Variants in COL21A1 observed in about 807,000 individuals in gnomAD.
COL21A1 encodes collagen type XXI alpha 1 chain, also known as collagen alpha-1(XXI) chain.
A neutral mutation model predicts 137.9 loss-of-function variants in COL21A1; 149 were observed. The ratio of observed to expected loss-of-function variants is 1.08; its 90% CI spans 0.95 to 1.24. The LOEUF (loss-of-function observed/expected upper bound fraction) is 1.24, where lower values mean the gene tolerates loss of function less well. Ranked by LOEUF, COL21A1 falls within the 50% of genes most tolerant of loss-of-function variation. The pLI is 0.00. For synonymous variants in COL21A1, 456 were observed against 391.5 expected, an observed-to-expected ratio of 1.16 and a Z score of -1.95; for missense variants, 1,167 against 1,158.4, an observed-to-expected ratio of 1.01 and a Z score of -0.11.
At chr6:56,307,995 G>A (rs932977787) in intron 1 of COL21A1, among the ~76,000 whole-genome samples, 16 of 152,180 alleles carry the variant, frequency 1.1e-4, no homozygotes, top group African/African-American at 3.6e-4. Flanking sequence ...ATGAGATGCT[G>A]TTAATCCTTT....
chr6:56,168,091 T>C (rs759899270), intron 6 of COL21A1, 33 bp downstream of exon 6: 3 of 1,372,254 alleles, frequency 2.2e-6, no homozygotes, highest in African/African-American at 2.9e-5. Flanking sequence ...TTTCATTCTA[T>C]ATAATTCAAA....
At chr6:56,382,531 T>C (rs1269125351) in intron 1 of COL21A1, among the ~76,000 whole-genome samples, 1 of 152,094 alleles carries the variant, frequency 6.6e-6, no homozygotes, top group Non-Finnish European at 1.5e-5. Flanking sequence ...AGGGACTGTG[T>C]TTGGAGATAG....
At chr6:56,070,830 TA>T (rs776093487) in intron 20 of COL21A1, 32 bp from the exon 21 acceptor site, 11 of 1,525,024 alleles carry the variant, frequency 7.2e-6, no homozygotes, top group Non-Finnish European at 8.9e-6. Context: ...TGGAGTTTTT[TA>T]AAAACAATTC....
chr6:56,099,126 C>T (rs1442893906), intron 17 of COL21A1, among the ~76,000 whole-genome samples: 1 of 151,744 alleles, frequency 6.6e-6, no homozygotes, highest in South Asian at 2.1e-4. Context: ...ACAGACTTGC[C>T]GGTCAGTCTG....
chr6:56,225,670 C>A (rs2152314921), intron 1 of COL21A1, among the ~76,000 whole-genome samples: 1 of 152,012 alleles, frequency 6.6e-6, no homozygotes, highest in South Asian at 2.1e-4. Context: ...CAAAAGGATT[C>A]CAAATTTTAA....
At chr6:56,125,466 G>C (rs1772973888) in intron 14 of COL21A1, 101 bp downstream of exon 14, 1 of 773,056 alleles carries the variant, frequency 1.3e-6, no homozygotes, top group Non-Finnish European at 2.1e-6. Context: ...GGTGAACAGA[G>C]CTAACTGTTC....
chr6:56,366,109 T>C (rs1766093094), intron 1 of COL21A1, among the ~76,000 whole-genome samples: 2 of 152,190 alleles, frequency 1.3e-5, no homozygotes, highest in Non-Finnish European at 2.9e-5. Flanking sequence ...TTATGGAGTT[T>C]ACTGGATTCC....
At chr6:56,339,036 C>G (rs1295739886) in intron 1 of COL21A1, among the ~76,000 whole-genome samples, 1 of 152,148 alleles carries the variant, frequency 6.6e-6, no homozygotes, top group East Asian at 1.9e-4. Context: ...TACTCTGTAG[C>G]ATGTATGAAG....
At chr6:56,217,757 A>G (rs1780579444) in intron 1 of COL21A1, among the ~76,000 whole-genome samples, 1 of 152,102 alleles carries the variant, frequency 6.6e-6, no homozygotes. Context: ...TGGCTTAAAC[A>G]TGAAGAAGGC....
chr6:56,058,705 C>G (rs1562129143), intron 29 of COL21A1, among the ~76,000 whole-genome samples: 1 of 152,132 alleles, frequency 6.6e-6, no homozygotes, highest in Non-Finnish European at 1.5e-5. Flanking sequence ...TCTGAAAGCA[C>G]TACATATAGA....
intron 1 of COL21A1, among the ~76,000 whole-genome samples, chr6:56,384,659 C>T (rs1018414): frequency 6.6e-6 from 1 of 151,942 alleles, no homozygotes; most frequent in African/African-American, 2.4e-5. Context: ...CTGTGTAGAA[C>T]TATCTGATAA....
intron 1 of COL21A1, among the ~76,000 whole-genome samples, chr6:56,360,926 T>G (rs9357913): frequency 0.26 from 39,843 of 151,960 alleles, 6,474 homozygotes; most frequent in East Asian, 0.72. Flanking sequence ...ATGGGGAAAC[T>G]CCGTCTCTAC....
In COL21A1 at chr6:56,179,845, C is replaced by G; in HGVS notation, c.373G>C (p.Asp125His). 6.2e-7 allele frequency: 1 copy of G among 1,613,916 alleles called. No homozygotes were observed. Among genetic ancestry groups the G allele is most frequent in the African/African-American group, 1.3e-5 (1 of 75,030 alleles). The change falls in exon 3 of 30, where the codon GAT becomes CAT. Residue 125 changes from aspartate to histidine, a missense_variant. Transcript: ENST00000244728. Reference sequence around the variant, plus strand: ...CGTGAGGACTTGGCAAAAAGGTAATCGAGCGCAAACTGGATGGCCTTCCCT... The same window carrying G: ...CGTGAGGACTTGGCAAAAAGGTAATGGAGCGCAAACTGGATGGCCTTCCCT... ...KTGKAIQFAL[D>H]YLFAKSSRFL...
intron 1 of COL21A1, among the ~76,000 whole-genome samples, chr6:56,227,842 T>A (rs906503167): frequency 2.0e-5 from 3 of 152,044 alleles, no homozygotes; most frequent in Middle Eastern, 3.4e-3. Context: ...CACTGGGAGC[T>A]TGGTGGAGTG....
chr6:56,168,369 C>T (rs1776762484), intron 5 of COL21A1, 72 bp from the exon 6 acceptor site: 1 of 1,266,804 alleles, frequency 7.9e-7, no homozygotes, highest in African/African-American at 1.5e-5. Context: ...GTTCTTACTC[C>T]CTTGTTCCTA....
chr6:56,167,099 A>G, intron 6 of COL21A1, 116 bp from the exon 7 acceptor site: 1 of 716,294 alleles, frequency 1.4e-6, no homozygotes, highest in Non-Finnish European at 2.4e-6. Flanking sequence ...GGTTTACATC[A>G]CAGCATTTAG....
intron 1 of COL21A1, among the ~76,000 whole-genome samples, chr6:56,303,269 A>C (rs1760922885): frequency 6.6e-6 from 1 of 152,236 alleles, no homozygotes. Context: ...CTGTGAAGCA[A>C]GTCACAAAGT....
chr6:56,261,427 T>C (rs943934797), intron 1 of COL21A1, among the ~76,000 whole-genome samples: 1 of 152,282 alleles, frequency 6.6e-6, no homozygotes, highest in Non-Finnish European at 1.5e-5. Context: ...GGTAGGGTCT[T>C]TGGGGGGATA....
At chr6:56,082,770 T>A (rs1180491073) in intron 17 of COL21A1, among the ~76,000 whole-genome samples, 4 of 151,824 alleles carry the variant, frequency 2.6e-5, no homozygotes, top group Non-Finnish European at 5.9e-5. Flanking sequence ...GAAAACACAC[T>A]AATAAGTGAA....
Sources: allele counts gnomAD v4.1 joint callset (sites outside exome capture counted in the v4.1 genomes callset), GRCh38; gene constraint gnomAD v4.1.1; transcripts MANE v1.5; gene names NCBI Gene and HGNC (gene_info 2026-07-23, HGNC 2026-07-21).